Variants in STT3A observed in about 807,000 individuals in gnomAD.
The protein encoded by STT3A is dolichyl-diphosphooligosaccharide--protein glycosyltransferase subunit STT3A.
In STT3A, 34 loss-of-function variants were observed where a neutral mutation model predicts 89.2. The observed-to-expected ratio is 0.38, with a 90% CI of 0.29 to 0.51. STT3A has a LOEUF of 0.51. STT3A is among the 20% of genes least tolerant of loss of function. The pLI, the probability that STT3A is intolerant of heterozygous loss-of-function variation, is 0.89. For synonymous variants in STT3A, 282 were observed against 310.3 expected, an observed-to-expected ratio of 0.91 and a Z score of 0.96; for missense variants, 555 against 889.5, an observed-to-expected ratio of 0.62 and a Z score of 4.78.
At chr11:125,605,091 C>G (rs1270551362) in intron 6 of STT3A, among the ~76,000 whole-genome samples, 1 of 149,504 alleles carries the variant, frequency 6.7e-6, no homozygotes, top group Admixed American at 6.7e-5. Context: ...AGAGCAAGAC[C>G]CTGTTTTTGT....
chr11:125,606,627 G>A (rs768236380), intron 8 of STT3A, among the ~76,000 whole-genome samples, 162 bp downstream of exon 8: 7 of 152,202 alleles, frequency 4.6e-5, no homozygotes, highest in Non-Finnish European at 1.0e-4. Flanking sequence ...GGTCATTAAA[G>A]TTTGCATCCA....
At chr11:125,608,325 T>G (rs1227000815) in intron 9 of STT3A, 36 bp downstream of exon 9, 2 of 1,551,426 alleles carry the variant, frequency 1.3e-6, no homozygotes, top group East Asian at 4.5e-5. Context: ...CTTTTTTCTT[T>G]TTTTTTAAGA....
intron 7 of STT3A, 39 bp downstream of exon 7, chr11:125,605,774 T>TA: frequency 6.5e-7 from 1 of 1,532,966 alleles, no homozygotes; most frequent in Non-Finnish European, 9.0e-7. Context: ...TAAAGTTCTC[T>TA]AAATACTGTA....
In STT3A at chr11:125,596,176, G is replaced by C. The variant is rs538310166; in HGVS notation, c.88+173G>C. Among the ~76,000 whole-genome samples, 14 of 152,242 alleles carry C rather than the reference G, an allele frequency of 9.2e-5. No individual in the cohort carries two copies. In the South Asian group the frequency reaches 2.9e-3, roughly 32 times the overall value. ...AAAATAAAAGGAATATAAAAGTCAGGGCTATGGGCCACATGCAGTGGTTCA... is the reference window on the plus strand; with the variant it reads ...AAAATAAAAGGAATATAAAAGTCAGCGCTATGGGCCACATGCAGTGGTTCA... On this transcript the variant is annotated intron_variant, in intron 2 of 17. Transcript: ENST00000392708.
chr11:125,605,907 T>C (rs755508787), intron 7 of STT3A, among the ~76,000 whole-genome samples, 172 bp downstream of exon 7: 1 of 152,164 alleles, frequency 6.6e-6, no homozygotes, highest in Non-Finnish European at 1.5e-5. Flanking sequence ...CCTTAATTGC[T>C]TCCACTTGCT....
rs768243436 is a variant in STT3A, at chr11:125,596,015, T to C, written c.88+12T>C. 2.5e-6 allele frequency: 4 copies of C among 1,583,018 alleles called. No homozygotes were observed. In the South Asian group the frequency reaches 4.6e-5, roughly 18 times the overall value. ...GGCTGCTGTATTATGTGAGTGTGCA[T>C]GTGAACCTCTCTTTCTTTGGGGATA... On this transcript the variant is annotated intron_variant, in intron 2 of 17. Transcript: ENST00000392708.
rs878899239 is a variant in STT3A at position 125,618,366 on chromosome 11, C to A, written c.1775-7C>A. 4.2e-6 allele frequency: 6 copies of A among 1,443,474 alleles called. No homozygotes were observed. The highest frequency in any genetic ancestry group is 3.7e-6 in the Non-Finnish European group (4 of 1,093,530). 89.4% of individuals were successfully genotyped at this position (1,443,474 alleles called of 1,614,324 possible). A position where few individuals can be genotyped will look rare whatever the true frequency, so the allele number is the denominator to read the frequency against. On this transcript the variant is annotated splice_region_variant and splice_polypyrimidine_tract_variant and intron_variant, in intron 15 of 17. Transcript: ENST00000392708. ...ATGCAGCAGTTCTTTTTTTTTTTTT[C>A]TCCTAGATATCAACAAGTTTCTTTG...
rs569900606 is a variant in STT3A, at chr11:125,598,194, A to G, written c.149+1075A>G. ...GCCACTGCACTCCTGCCTGGGCTAC[A>G]GAGCAAGGCTCCATCTCAAAAAAAA... On this transcript the variant is annotated intron_variant, in intron 3 of 17. Transcript: ENST00000392708. Among the ~76,000 whole-genome samples, 4 of 152,264 alleles carry G rather than the reference A, an allele frequency of 2.6e-5. No homozygotes were observed. The South Asian group carries it at 8.3e-4, about 32-fold the overall frequency.
intron 7 of STT3A, 119 bp downstream of exon 7, chr11:125,605,854 C>T: frequency 1.2e-6 from 1 of 803,672 alleles, no homozygotes; most frequent in Non-Finnish European, 1.9e-6. Context: ...TTTTCTTTTC[C>T]AGTATATTTT....
rs1940107457 is a variant in STT3A at position 125,614,267 on chromosome 11, T to C, written c.1672-57T>C. 1.2e-6 allele frequency: 2 copies of C among 1,612,666 alleles called. No individual in the cohort carries two copies. Among genetic ancestry groups the C allele is most frequent in the Non-Finnish European group, 1.7e-6 (2 of 1,178,672 alleles). On this transcript the variant is annotated intron_variant, in intron 14 of 17. Coordinates refer to ENST00000392708, the MANE Select transcript of STT3A (RefSeq NM_152713.5). This position sits in a 1 kb window ranked among gnomAD's most constrained non-coding sequence, Gnocchi z 4.9. ...AGGTCTAATGGGAAATGTGTCTGCA[T>C]GAGGGGATCATATGACTTGGGATTT...
chr11:125,619,061 G>GT (rs1417883147), intron 16 of STT3A, among the ~76,000 whole-genome samples: 2 of 149,634 alleles, frequency 1.3e-5, no homozygotes, highest in African/African-American at 4.9e-5. Context: ...GTTTTGTTTT[G>GT]TTTTTTGAGA....
At position 125,601,069 on chromosome 11, in the gene STT3A, G is replaced by C. The variant is rs189886958; in HGVS notation, c.150-1234G>C. On this transcript the variant is annotated intron_variant, in intron 3 of 17. Transcript: ENST00000392708. Reference sequence around the variant, plus strand: ...TCCAAAGTGCCGGGCTTACAGGCATGAGCTGCCATGCCTGGCTGTAATCTA... The same window carrying C: ...TCCAAAGTGCCGGGCTTACAGGCATCAGCTGCCATGCCTGGCTGTAATCTA... Among the ~76,000 whole-genome samples, 274 of 152,330 alleles carry C rather than the reference G, an allele frequency of 1.8e-3. 3 individuals carry two copies. Among genetic ancestry groups the C allele is most frequent in the African/African-American group, 6.4e-3 (265 of 41,572 alleles).
At chr11:125,618,707 A>G in intron 16 of STT3A, 146 bp downstream of exon 16, 1 of 733,700 alleles carries the variant, frequency 1.4e-6, no homozygotes, top group South Asian at 2.8e-5. Flanking sequence ...ATATACTGAT[A>G]TTATTGTCAT....
chr11:125,611,792 G>A lies in STT3A; in HGVS notation c.1209+273G>A, dbSNP rs531510924. Among the ~76,000 whole-genome samples, 9 of 151,598 alleles carry A rather than the reference G, an allele frequency of 5.9e-5. No homozygotes were observed. The South Asian group carries it at 6.3e-4, about 11-fold the overall frequency. On this transcript the variant is annotated intron_variant, in intron 11 of 17. Transcript: ENST00000392708. ...AATATGACCCTGGGTGTCTTAAAAC[G>A]GGAGATGATATTTTTTTCTTGAAGG...
intron 8 of STT3A, among the ~76,000 whole-genome samples, chr11:125,607,461 A>G (rs1295157519): frequency 1.3e-5 from 2 of 152,230 alleles, no homozygotes; most frequent in East Asian, 3.8e-4. Flanking sequence ...CAGGGAAAGA[A>G]ATACAGGCAG....
intron 10 of STT3A, 125 bp downstream of exon 10, chr11:125,609,714 C>T (rs1350499119): frequency 6.9e-5 from 83 of 1,198,794 alleles, no homozygotes; most frequent in Non-Finnish European, 8.8e-5. Context: ...ATACAGAGGA[C>T]GGCTAAGCAA....
At chr11:125,607,281 C>T (rs773335297) in intron 8 of STT3A, among the ~76,000 whole-genome samples, 4 of 152,038 alleles carry the variant, frequency 2.6e-5, no homozygotes, top group African/African-American at 4.8e-5. Context: ...ATAGGCTAGG[C>T]GTATTAAATG....
At chr11:125,598,092 A>G (rs769503840) in intron 3 of STT3A, among the ~76,000 whole-genome samples, 8 of 152,158 alleles carry the variant, frequency 5.3e-5, no homozygotes, top group Non-Finnish European at 7.4e-5. Context: ...TGTGCCCGTA[A>G]TCCCAGCTAC....
intron 3 of STT3A, among the ~76,000 whole-genome samples, chr11:125,599,135 T>G (rs1376267959): frequency 1.3e-5 from 2 of 152,210 alleles, no homozygotes; most frequent in African/African-American, 4.8e-5. Flanking sequence ...CCTCTCTCAC[T>G]CTGCCTCTCC....
Sources: gnomAD v4.1 joint callset for allele counts (sites outside exome capture counted in the v4.1 genomes callset) on GRCh38, gnomAD v4.1.1 for gene constraint, Gnocchi (gnomAD v3.1) non-coding constraint, MANE v1.5 for transcripts, NCBI Gene and HGNC (gene_info 2026-07-23, HGNC 2026-07-21) for gene names.